Variants in AGO2 observed in about 807,000 individuals in gnomAD.
AGO2 encodes protein argonaute-2.
In AGO2, 5 loss-of-function variants were observed where a neutral mutation model predicts 102.3. The observed-to-expected ratio is 0.05, with a 90% CI of 0.03 to 0.10. The LOEUF is 0.10. AGO2 is among the 10% of genes least tolerant of loss of function. AGO2 has a pLI of 1.00. For missense variants in AGO2, 541 were observed against 1,183.7 expected, an observed-to-expected ratio of 0.46 and a Z score of 7.97; for synonymous variants, 449 against 473.1, an observed-to-expected ratio of 0.95 and a Z score of 0.66.
intron 10 of AGO2, among the ~76,000 whole-genome samples, chr8:140,553,938 G>A (rs943157830): frequency 6.6e-6 from 1 of 152,198 alleles, no homozygotes; most frequent in Non-Finnish European, 1.5e-5. Flanking sequence ...CTGACCTCAG[G>A]TGATCCTCCT....
intron 1 of AGO2, among the ~76,000 whole-genome samples, chr8:140,606,077 A>T (rs1288794270): frequency 6.6e-6 from 1 of 152,248 alleles, no homozygotes; most frequent in African/African-American, 2.4e-5. Flanking sequence ...TGCTCACAGT[A>T]AAATATTTGC....
At chr8:140,556,385 AC>A (rs1258238291) in intron 8 of AGO2, 99 bp from the exon 9 acceptor site, 5 of 1,498,232 alleles carry the variant, frequency 3.3e-6, no homozygotes, top group Non-Finnish European at 4.5e-6. Flanking sequence ...TCTGCTTGGG[AC>A]CGTCTCTGCC....
upstream of AGO2, chr8:140,635,672 G>GGCGGGA (rs1165319999): frequency 4.7e-5 from 12 of 256,348 alleles, no homozygotes; most frequent in South Asian, 2.6e-4. Context: ...CGGAGGCGGC[G>GGCGGGA]GCGGGAGCGG....
At chr8:140,545,478 C>A (rs1247985234) in intron 13 of AGO2, among the ~76,000 whole-genome samples, 1 of 152,156 alleles carries the variant, frequency 6.6e-6, no homozygotes. Context: ...CTCTAGGGCC[C>A]AGGGCTTGGA....
At chr8:140,549,016 T>C (rs2072950083) in intron 12 of AGO2, 98 bp downstream of exon 12, 26 of 1,424,974 alleles carry the variant, frequency 1.8e-5, no homozygotes, top group Non-Finnish European at 2.4e-5. Flanking sequence ...AGGAGCACCT[T>C]TCTCAGTGCA....
chr8:140,610,806 CTT>C (rs2074065937), intron 1 of AGO2, among the ~76,000 whole-genome samples: 1 of 152,188 alleles, frequency 6.6e-6, no homozygotes, highest in South Asian at 2.1e-4. Flanking sequence ...CATCCAAAGA[CTT>C]TGAAAAAAAC....
chr8:140,553,136 ACCTGTAAT>A (rs1378339325), intron 10 of AGO2, among the ~76,000 whole-genome samples: 1 of 152,170 alleles, frequency 6.6e-6, no homozygotes, highest in Non-Finnish European at 1.5e-5. Flanking sequence ...AGTGGCTTAC[ACCTGTAAT>A]CCCAGCTGAG....
At chr8:140,575,262 C>T (rs2073446353) in intron 2 of AGO2, among the ~76,000 whole-genome samples, 1 of 124,668 alleles carries the variant, frequency 8.0e-6, no homozygotes, top group African/African-American at 3.0e-5. Flanking sequence ...GCAGCCAGGG[C>T]ACAATCTCAC....
intron 2 of AGO2, among the ~76,000 whole-genome samples, chr8:140,578,126 C>T (rs6987038): frequency 0.75 from 113,714 of 152,064 alleles, 43,490 homozygotes; most frequent in Non-Finnish European, 0.83. Context: ...GGCCCAGTGC[C>T]GAGGGTGAGG....
chr8:140,559,244 C>T, intron 6 of AGO2, 151 bp downstream of exon 6: 1 of 948,534 alleles, frequency 1.1e-6, no homozygotes, highest in Non-Finnish European at 1.6e-6. Flanking sequence ...GGATCTAACT[C>T]ATCTCCATGC....
At chr8:140,581,509 ATCCTGTC>A (rs1434855715) in intron 2 of AGO2, among the ~76,000 whole-genome samples, 3 of 151,958 alleles carry the variant, frequency 2.0e-5, no homozygotes, top group African/African-American at 7.3e-5. Context: ...ACAGAGCAAG[ATCCTGTC>A]TCTAAAAAAA....
At chr8:140,608,394 G>A (rs1051183376) in intron 1 of AGO2, among the ~76,000 whole-genome samples, 3 of 152,208 alleles carry the variant, frequency 2.0e-5, no homozygotes, top group South Asian at 4.1e-4. Flanking sequence ...CATCAGCCAC[G>A]TCACCCTCTA....
chr8:140,601,270 A>C (rs1328398454), intron 1 of AGO2, among the ~76,000 whole-genome samples: 3 of 151,294 alleles, frequency 2.0e-5, no homozygotes, highest in African/African-American at 7.3e-5. Flanking sequence ...TTGCTCACCC[A>C]CTCACCTCCT....
Position 140,539,437 on chromosome 8 carries a change from C to T in AGO2, c.2052G>A (p.Leu684=). The T allele has an allele frequency of 6.2e-7, 1 of 1,613,526 alleles. No homozygotes were observed. Among genetic ancestry groups the T allele is most frequent in the Non-Finnish European group, 8.5e-7 (1 of 1,179,650 alleles). The change falls in exon 16 of 19, where the codon TTG becomes TTA. Residue 684 remains leucine, a synonymous_variant. Coordinates refer to ENST00000220592, the MANE Select transcript of AGO2 (RefSeq NM_012154.5). The surrounding 1 kb of genome is among the most constrained non-coding windows in gnomAD (Gnocchi z 4.7). ...GQFQQVLHHE[L]LAIREACIKL... ...TGATACAGGCCTCACGGATGGCCAG[C>T]AACTCGTGGTGGAGAACCTAGGGGT...
At position 140,607,645 on chromosome 8, in the gene AGO2, T is replaced by C. The variant is rs140016024; in HGVS notation, c.23-22334A>G. On this transcript the variant is annotated intron_variant, in intron 1 of 18. Coordinates refer to ENST00000220592, the MANE Select transcript of AGO2 (RefSeq NM_012154.5). ...GCACTGGCACCTGCTATGACATGGA[T>C]GAACCTTTAGAGCATTGTTAGGCGA... Among the ~76,000 whole-genome samples the C allele has an allele frequency of 3.9e-3, 592 of 151,968 alleles. 2 individuals carry two copies. Among genetic ancestry groups the C allele is most frequent in the African/African-American group, 0.014 (578 of 41,430 alleles).
rs61758136 is a variant in AGO2 at position 140,556,194 on chromosome 8, G to A, written c.1119C>T (p.Pro373=). 1.1e-4 allele frequency: 170 copies of A among 1,614,116 alleles called. No homozygotes were observed. Among genetic ancestry groups the A allele is most frequent in the Non-Finnish European group, 1.2e-4 (146 of 1,180,058 alleles). The change falls in exon 9 of 19, where the codon CCC becomes CCT. Residue 373 remains proline, a synonymous_variant. Coordinates refer to ENST00000220592, the MANE Select transcript of AGO2 (RefSeq NM_012154.5). ...ATTTGCTAATCTCTTCTTGCCGATC[G>A]GGCGCCGACCTAGCAGTCGCTCTGA... ...TMIRATARSA[P]DRQEEISKLM...
intron 14 of AGO2, 129 bp downstream of exon 14, chr8:140,544,084 G>A (rs990774575): frequency 1.7e-5 from 17 of 986,240 alleles, no homozygotes; most frequent in African/African-American, 1.4e-4. Context: ...GACCCCGGCC[G>A]TCCCTACCGC....
At position 140,580,147 on chromosome 8, in the gene AGO2, A is replaced by G. The variant is rs1324354278; in HGVS notation, c.215+4972T>C. Reference sequence around the variant, plus strand: ...TGGCTCAAGACTGGCTGTGTTGTGCAGCCACCTTGGTGCCCACAGCTGTAC... The same window carrying G: ...TGGCTCAAGACTGGCTGTGTTGTGCGGCCACCTTGGTGCCCACAGCTGTAC... On this transcript the variant is annotated intron_variant, in intron 2 of 18. Transcript: ENST00000220592. 2.0e-5 allele frequency among the ~76,000 whole-genome samples: 3 copies of G among 152,144 alleles called. No homozygotes were observed. In the East Asian group the frequency reaches 5.8e-4, roughly 29 times the overall value.
chr8:140,598,117 C>A (rs1440051719), intron 1 of AGO2, among the ~76,000 whole-genome samples: 1 of 152,228 alleles, frequency 6.6e-6, no homozygotes, highest in Non-Finnish European at 1.5e-5. Flanking sequence ...GCAAGAGGGA[C>A]TGGGGTCCCA....
Sources: allele counts gnomAD v4.1 joint callset (sites outside exome capture counted in the v4.1 genomes callset), GRCh38; gene constraint gnomAD v4.1.1; non-coding constraint Gnocchi (gnomAD v3.1); transcripts MANE v1.5; gene names NCBI Gene and HGNC (gene_info 2026-07-23, HGNC 2026-07-21).